HDAC4: variants seen among roughly 807,000 people sequenced by gnomAD.
HDAC4 encodes histone deacetylase 4.
HDAC4 carries 16 observed loss-of-function variants against 135.1 expected under a neutral mutation model. The ratio of observed to expected loss-of-function variants is 0.12; its 90% confidence interval spans 0.08 to 0.18. The LOEUF is 0.18. HDAC4 is among the 10% of genes least tolerant of loss of function. The probability of loss-of-function intolerance (pLI) is 1.00; values close to 1 mark genes in which losing one functional copy is unlikely to be tolerated. For missense variants in HDAC4, 1,143 were observed against 1,511.8 expected (o/e 0.76, Z 4.05); for synonymous variants, 685 against 653.4 (o/e 1.05, Z -0.74).
intron 1 of HDAC4, among the ~76,000 whole-genome samples, chr2:239,364,423 C>T (rs140307061): frequency 7.1e-4 from 108 of 152,348 alleles, no homozygotes; most frequent in African/African-American, 2.5e-3. Context: ...AAAGCAGACA[C>T]ACACAGCAGC....
chr2:239,271,616 T>G (rs934379787), intron 2 of HDAC4, among the ~76,000 whole-genome samples: 1 of 152,152 alleles, frequency 6.6e-6, no homozygotes, highest in Non-Finnish European at 1.5e-5. Flanking sequence ...GATTATCGGG[T>G]AGACACTGTC....
At chr2:239,277,544 C>G (rs368562642) in intron 2 of HDAC4, among the ~76,000 whole-genome samples, 86 of 152,342 alleles carry the variant, frequency 5.6e-4, no homozygotes, top group African/African-American at 1.9e-3. Context: ...GTTCTGTACT[C>G]CGGAGCAGGA....
chr2:239,138,698 T>G (rs1226835298), intron 9 of HDAC4, among the ~76,000 whole-genome samples: 1 of 152,172 alleles, frequency 6.6e-6, no homozygotes, highest in Non-Finnish European at 1.5e-5. Context: ...TTCTTCCCCG[T>G]GCTCTGGGGG....
At chr2:239,391,851 CT>C (rs1432591581) in intron 1 of HDAC4, among the ~76,000 whole-genome samples, 1 of 152,222 alleles carries the variant, frequency 6.6e-6, no homozygotes. Flanking sequence ...TCCCACGTGC[CT>C]CAGCTCTGGC....
intron 6 of HDAC4, 69 bp downstream of exon 6, chr2:239,163,734 T>C: frequency 2.6e-6 from 4 of 1,523,704 alleles, no homozygotes; most frequent in Non-Finnish European, 3.6e-6. Flanking sequence ...CATGCAAATC[T>C]ACCGGCGATC....
At chr2:239,347,005 A>ACACCCTAACACACACT (rs1692755407) in intron 2 of HDAC4, among the ~76,000 whole-genome samples, 5 of 125,048 alleles carry the variant, frequency 4.0e-5, no homozygotes, top group African/African-American at 5.5e-5. Context: ...TAAAACACAC[A>ACACCCTAACACACACT]CCCCATCACA....
At chr2:239,096,162 T>C (rs1419379329) in intron 16 of HDAC4, among the ~76,000 whole-genome samples, 1 of 152,112 alleles carries the variant, frequency 6.6e-6, no homozygotes, top group Non-Finnish European at 1.5e-5. Context: ...TGTCTGCCTC[T>C]TGCCTGGAGG....
At chr2:239,206,396 A>G (rs1001142551) in intron 3 of HDAC4, among the ~76,000 whole-genome samples, 14 of 137,042 alleles carry the variant, frequency 1.0e-4, no homozygotes, top group East Asian at 2.6e-4. Flanking sequence ...ACATACGTGC[A>G]CACACACACA....
chr2:239,338,455 C>A (rs1692087968), intron 2 of HDAC4, among the ~76,000 whole-genome samples: 1 of 152,122 alleles, frequency 6.6e-6, no homozygotes, highest in South Asian at 2.1e-4. Context: ...TCACACCGAC[C>A]TTCGTCCAAC....
At position 239,102,748 on chromosome 2, in the gene HDAC4, A is replaced by G. The variant is rs775113382; in HGVS notation, c.2233+28T>C. On this transcript the variant is annotated intron_variant, in intron 16 of 26. Coordinates refer to ENST00000543185, the MANE Select transcript of HDAC4 (RefSeq NM_001378414.1). ...AACCTCAGGGGACTTCAAACCCAAT[A>G]TGGGAGGAAAGGAAGGTCCTGAAAT... The G allele has an allele frequency of 5.6e-6, 9 of 1,613,204 alleles. 1 individual carries two copies. Among genetic ancestry groups the G allele is most frequent in the Non-Finnish European group, 6.8e-6 (8 of 1,179,732 alleles).
intron 2 of HDAC4, among the ~76,000 whole-genome samples, chr2:239,237,561 C>T (rs2047953454): frequency 6.7e-6 from 1 of 149,614 alleles, no homozygotes; most frequent in Non-Finnish European, 1.5e-5. Flanking sequence ...AAACGACTAA[C>T]ATCAGGTCAA....
At chr2:239,164,701 T>C (rs2043023803) in intron 5 of HDAC4, among the ~76,000 whole-genome samples, 1 of 152,206 alleles carries the variant, frequency 6.6e-6, no homozygotes, top group Non-Finnish European at 1.5e-5. Context: ...ATAGCGTTTG[T>C]AATGGTCAAA....
chr2:239,358,413 G>T (rs1242055824), intron 1 of HDAC4, among the ~76,000 whole-genome samples: 3 of 152,180 alleles, frequency 2.0e-5, no homozygotes, highest in African/African-American at 7.2e-5. Flanking sequence ...TTGTTTGTTT[G>T]TTTTTGAGCA....
At chr2:239,093,943 T>C in intron 17 of HDAC4, 2 of 985,340 alleles carry the variant, frequency 2.0e-6, no homozygotes, top group Non-Finnish European at 2.4e-6. Context: ...GTGGTATGAA[T>C]AAATGCCGTT....
chr2:239,149,705 C>T (rs2041990990), intron 7 of HDAC4, among the ~76,000 whole-genome samples: 1 of 152,202 alleles, frequency 6.6e-6, no homozygotes, highest in Non-Finnish European at 1.5e-5. Context: ...GCACGTTGCT[C>T]ACGTGCTCCT....
chr2:239,088,917 A>G (rs948454105), intron 18 of HDAC4, among the ~76,000 whole-genome samples: 1 of 152,198 alleles, frequency 6.6e-6, no homozygotes, highest in African/African-American at 2.4e-5. Flanking sequence ...GGGTCAGAAT[A>G]TGGAAGATCC....
chr2:239,099,023 C>T (rs566447985), intron 16 of HDAC4, among the ~76,000 whole-genome samples: 142 of 152,314 alleles, frequency 9.3e-4, no homozygotes, highest in African/African-American at 3.4e-3. Flanking sequence ...AGGAATGGTG[C>T]AAAGGGATGC....
intron 2 of HDAC4, among the ~76,000 whole-genome samples, chr2:239,292,038 A>G (rs887401221): frequency 3.3e-5 from 5 of 151,838 alleles, no homozygotes; most frequent in Non-Finnish European, 7.4e-5. Flanking sequence ...AGCTCGGCCC[A>G]GCTCAGCCCA....
In HDAC4 at chr2:239,068,702, G is replaced by T. The variant is rs1243343954; in HGVS notation, c.2751-95C>A. ...GTTCCCTCTGGCATTGATAATGCCT[G>T]CCCCGCACCCCCTCGGCCACTGGCG... On this transcript the variant is annotated intron_variant, in intron 22 of 26. Coordinates refer to ENST00000543185, the MANE Select transcript of HDAC4 (RefSeq NM_001378414.1). The surrounding 1 kb of genome is among the most constrained non-coding windows in gnomAD (Gnocchi z 4.4). 2.8e-6 allele frequency: 3 copies of T among 1,074,586 alleles called. No individual in the cohort carries two copies. The highest frequency in any genetic ancestry group is 4.7e-5 in the East Asian group (2 of 42,368). 66.6% of individuals were successfully genotyped at this position (1,074,586 alleles called of 1,614,324 possible). A position where few individuals can be genotyped will look rare whatever the true frequency, so the allele number is the denominator to read the frequency against.
Sources: allele counts gnomAD v4.1 joint callset (sites outside exome capture counted in the v4.1 genomes callset), GRCh38; gene constraint gnomAD v4.1.1; non-coding constraint Gnocchi (gnomAD v3.1); transcripts MANE v1.5; gene names NCBI Gene and HGNC (gene_info 2026-07-23, HGNC 2026-07-21).